The following RFX2 variants were observed in gnomAD, a reference collection of about 807,000 sequenced individuals.
RFX2 encodes the protein DNA-binding protein RFX2.
In RFX2, 20 loss-of-function variants were observed where a neutral mutation model predicts 87.8. That is an observed-to-expected ratio of 0.23 (90% CI 0.16 to 0.33). The LOEUF (loss-of-function observed/expected upper bound fraction) is 0.33. Ranked by LOEUF, RFX2 falls within the 10% of genes least tolerant of loss-of-function variation. RFX2 has a pLI of 1.00. For missense variants in RFX2, 767 were observed against 1,012.3 expected (o/e 0.76, Z 3.29); for synonymous variants, 397 against 431.3 (o/e 0.92, Z 0.98).
intron 7 of RFX2, among the ~76,000 whole-genome samples, chr19:6,015,775 T>TCACCCA (rs1480310351): frequency 2.0e-5 from 3 of 152,120 alleles, no homozygotes; most frequent in Admixed American, 6.5e-5. Context: ...TGTTGGGATT[T>TCACCCA]CAGGTGTGCA....
chr19:6,007,102 G>A lies in RFX2; in HGVS notation c.1312C>T (p.Pro438Ser), dbSNP rs1367785409. 14 of 1,614,010 alleles carry A rather than the reference G, an allele frequency of 8.7e-6. No homozygotes were observed. The highest frequency in any genetic ancestry group is 1.2e-5 in the Non-Finnish European group (14 of 1,180,008). The change falls in exon 12 of 18, where the codon CCC (proline) becomes TCC (serine). Residue 438 changes from proline (P) to serine (S), a missense_variant. Transcript: ENST00000303657. The surrounding 1 kb of genome is among the most constrained non-coding windows in gnomAD (Gnocchi z 8.2). ...CAGCTCCTCATCCACCTGAGGATGG[G>A]GTCGCACTGACACAGGGAGATAAGC... The part of the protein sequence containing the change: ...DKLISLCQCD[P>S]ILRWMRSCDH...
Position 6,083,229 on chromosome 19 carries a change from T to C in RFX2, c.-9+27164A>G, listed in dbSNP as rs2087810467. 6.6e-6 allele frequency among the ~76,000 whole-genome samples: 1 copy of C among 152,146 alleles called. No individual in the cohort carries two copies. Among genetic ancestry groups the C allele is most frequent in the African/African-American group, 2.4e-5 (1 of 41,440 alleles). On this transcript the variant is annotated intron_variant, in intron 1 of 17. Transcript: ENST00000303657. This position sits in a 1 kb window ranked among gnomAD's most constrained non-coding sequence, Gnocchi z 4.6. ...GCCTTCATCATGAAATTTTTTGGCA[T>C]TTATTTTGATTTTTTAAAATACTGC...
chr19:6,108,287 T>C (rs1188661467), intron 1 of RFX2, among the ~76,000 whole-genome samples: 1 of 152,096 alleles, frequency 6.6e-6, no homozygotes, highest in Non-Finnish European at 1.5e-5. Flanking sequence ...AGTAGGTGAG[T>C]TGTCGTTTCT....
intron 16 of RFX2, among the ~76,000 whole-genome samples, chr19:5,995,920 C>T (rs531936171): frequency 1.3e-5 from 2 of 152,316 alleles, no homozygotes; most frequent in African/African-American, 4.8e-5. Context: ...CCCCTGGGTG[C>T]GGCTGCTCCG....
At position 6,018,891 on chromosome 19, in the gene RFX2, G is replaced by GT. The variant is rs3838920; in HGVS notation, c.598-2621dup. Among the ~76,000 whole-genome samples, 667 of 152,278 alleles carry GT rather than the reference G, an allele frequency of 4.4e-3. 7 individuals carry two copies. In the East Asian group the frequency reaches 0.071, roughly 16 times the overall value. ...CCTCCTTACCAAAGGGACAGGAGTG[G>GT]TTCCTGCCACAATCCCTGAGCTTGG... On this transcript the variant is annotated intron_variant, in intron 6 of 17. Coordinates refer to ENST00000303657, the MANE Select transcript of RFX2 (RefSeq NM_000635.4).
rs2087180023 is a variant in RFX2, at chr19:6,045,766, G to T, written c.91-1484C>A. ...GGCTCACTATAACCTCTGCCTCCTG[G>T]GTTCAAGCGATTCTCCTGCCTCAGC... On this transcript the variant is annotated intron_variant, in intron 2 of 17. Transcript: ENST00000303657. The surrounding 1 kb of genome is among the most constrained non-coding windows in gnomAD (Gnocchi z 5.2). Among the ~76,000 whole-genome samples, 2 of 152,080 alleles carry T rather than the reference G, an allele frequency of 1.3e-5. No individual in the cohort carries two copies.
rs534592180 is a variant in RFX2, at chr19:6,039,438, C to T, written c.522+542G>A. Among the ~76,000 whole-genome samples the T allele has an allele frequency of 1.2e-4, 18 of 152,300 alleles. No homozygotes were observed. The highest frequency in any genetic ancestry group is 6.5e-4 in the Admixed American group (10 of 15,302). On this transcript the variant is annotated intron_variant, in intron 5 of 17. Transcript: ENST00000303657. This position sits in a 1 kb window ranked among gnomAD's most constrained non-coding sequence, Gnocchi z 5.2. ...GCTGTACACCAAAAAGTTGATTTTA[C>T]TTTGTGTTAATTTAAGAAGGAAAAT...
Position 6,026,812 on chromosome 19 carries a change from G to C in RFX2, c.523-575C>G, listed in dbSNP as rs1291685649. ...CCAGGGCCACTGGACACTGTCTGGC[G>C]AATGTTTACCCAGTGGGAGCTGTGC... is the stretch of plus-strand genomic sequence containing the variant. On this transcript the variant is annotated intron_variant, in intron 5 of 17. Transcript: ENST00000303657. The surrounding 1 kb of genome is among the most constrained non-coding windows in gnomAD (Gnocchi z 4.5). 1 of 154,034 alleles carries C rather than the reference G, an allele frequency of 6.5e-6. No individual in the cohort carries two copies. Among genetic ancestry groups the C allele is most frequent in the Admixed American group, 6.5e-5 (1 of 15,466 alleles). 9.5% of individuals were successfully genotyped at this position (154,034 alleles called of 1,614,324 possible). A position where few individuals can be genotyped will look rare whatever the true frequency, so the allele number is the denominator to read the frequency against.
chr19:6,007,641 G>T lies in RFX2; in HGVS notation c.1247+49C>A. The T allele has an allele frequency of 8.9e-7, 1 of 1,127,396 alleles. No individual in the cohort carries two copies. Among genetic ancestry groups the T allele is most frequent in the Non-Finnish European group, 1.3e-6 (1 of 760,842 alleles). The allele number at this position is 1,127,396 out of a possible 1,614,324, so 69.8% of individuals were successfully genotyped here. On this transcript the variant is annotated intron_variant, in intron 11 of 17. Coordinates refer to ENST00000303657, the MANE Select transcript of RFX2 (RefSeq NM_000635.4). The surrounding 1 kb of genome is among the most constrained non-coding windows in gnomAD (Gnocchi z 8.2). ...GTGGGTTACCTGTGGACGTCAGCAG[G>T]GGGTTAAGTCTGGGGTGGCTGTGAA...
At chr19:6,014,042 C>T (rs773754936) in intron 7 of RFX2, among the ~76,000 whole-genome samples, 4 of 151,952 alleles carry the variant, frequency 2.6e-5, no homozygotes, top group South Asian at 2.1e-4. Flanking sequence ...TAGTTTATTA[C>T]GGGAGAATGA....
intron 1 of RFX2, among the ~76,000 whole-genome samples, chr19:6,070,282 T>G (rs2087587702): frequency 1.2e-5 from 1 of 85,642 alleles, no homozygotes; most frequent in Admixed American, 1.2e-4. Flanking sequence ...AGAACACAGG[T>G]GGGCTTGGCC....
In RFX2 at chr19:6,023,072, T is replaced by A. The variant is rs553475300; in HGVS notation, c.597+3091A>T. 10 of 152,368 alleles carry A rather than the reference T, an allele frequency of 6.6e-5. No individual in the cohort carries two copies. Among genetic ancestry groups the A allele is most frequent in the African/African-American group, 2.4e-4 (10 of 41,456 alleles). The allele number at this position is 152,368 out of a possible 1,614,324, so 9.4% of individuals were successfully genotyped here. A position where few individuals can be genotyped will look rare whatever the true frequency, so the allele number is the denominator to read the frequency against. On this transcript the variant is annotated intron_variant, in intron 6 of 17. Transcript: ENST00000303657. This position sits in a 1 kb window ranked among gnomAD's most constrained non-coding sequence, Gnocchi z 4.9. ...CCCTGGAGTGACTTTTCCTCCTTTT[T>A]TACTCCCTATGTTCGGCACTGACCT...
At position 6,042,013 on chromosome 19, in the gene RFX2, TC is replaced by T. The variant is rs747664904; in HGVS notation, c.260+30del. 12 of 1,595,776 alleles carry T rather than the reference TC, an allele frequency of 7.5e-6. No individual in the cohort carries two copies. The South Asian group carries it at 1.2e-4, about 16-fold the overall frequency. On this transcript the variant is annotated intron_variant, in intron 4 of 17. Transcript: ENST00000303657. ...CAAAGGCTGGAGTCAGGGAGAGGGT[TC>T]CGGGTGTGGCCCGCGGGAGAAGCAC... is the stretch of plus-strand genomic sequence containing the variant.
chr19:6,015,556 G>A (rs929478975), intron 7 of RFX2, among the ~76,000 whole-genome samples: 1 of 151,912 alleles, frequency 6.6e-6, no homozygotes, highest in Non-Finnish European at 1.5e-5. Flanking sequence ...TGGTGCAATC[G>A]TGGCTCACCG....
chr19:6,008,073 G>T, intron 10 of RFX2, 33 bp downstream of exon 10: 1 of 1,480,582 alleles, frequency 6.8e-7, no homozygotes, highest in Non-Finnish European at 9.2e-7. Flanking sequence ...GGAGGGACAC[G>T]CAGGAGCTGC....
Position 6,008,244 on chromosome 19 carries a change from A to C in RFX2, c.1016-20T>G, listed in dbSNP as rs1373157530. On this transcript the variant is annotated intron_variant, in intron 9 of 17. Coordinates refer to ENST00000303657, the MANE Select transcript of RFX2 (RefSeq NM_000635.4). The stretch of plus-strand genomic sequence containing the variant: ...AGACATCTGGGGGAGGAACACGGGA[A>C]CATCAGAAATGGCGAGGCTCTTAGG... 6.0e-6 allele frequency: 9 copies of C among 1,497,878 alleles called. No homozygotes were observed. The highest frequency in any genetic ancestry group is 7.3e-6 in the Non-Finnish European group (8 of 1,103,406). The allele number at this position is 1,497,878 out of a possible 1,614,324, so 92.8% of individuals were successfully genotyped here. A position where few individuals can be genotyped will look rare whatever the true frequency, so the allele number is the denominator to read the frequency against.
rs2087183474 is a variant in RFX2 at position 6,045,933 on chromosome 19, C to T, written c.90+1474G>A. Reference sequence around the variant, plus strand: ...AACTCCTGACCTCAGGTGATCCACCCACCTTGGCCTCCCAAAGTGCTGGGA... The same window carrying T: ...AACTCCTGACCTCAGGTGATCCACCTACCTTGGCCTCCCAAAGTGCTGGGA... On this transcript the variant is annotated intron_variant, in intron 2 of 17. Coordinates refer to ENST00000303657, the MANE Select transcript of RFX2 (RefSeq NM_000635.4). The surrounding 1 kb of genome is among the most constrained non-coding windows in gnomAD (Gnocchi z 5.2). 6.6e-6 allele frequency among the ~76,000 whole-genome samples: 1 copy of T among 152,090 alleles called. No homozygotes were observed. The highest frequency in any genetic ancestry group is 2.4e-5 in the African/African-American group (1 of 41,410).
At position 5,997,179 on chromosome 19, in the gene RFX2, C is replaced by T. The variant is rs1476156268; in HGVS notation, c.1894G>A (p.Ala632Thr). The T allele has an allele frequency of 1.9e-6, 3 of 1,612,982 alleles. No homozygotes were observed. Among genetic ancestry groups the T allele is most frequent in the South Asian group, 1.1e-5 (1 of 91,088 alleles). The change falls in exon 16 of 18, where the codon GCT becomes ACT. Residue 632 changes from alanine to threonine, a missense_variant. Transcript: ENST00000303657. The surrounding 1 kb of genome is among the most constrained non-coding windows in gnomAD (Gnocchi z 4.2). ...AGGTGGAAGGAGCCGAAGCTGGCAG[C>T]GCTGCGCAGGGTCAGGTCCCGGATC... ...MVIRDLTLRS[A>T]ASFGSFHLIR...
At chr19:6,055,995 T>C (rs1469848771) in intron 1 of RFX2, among the ~76,000 whole-genome samples, 1 of 145,698 alleles carries the variant, frequency 6.9e-6, no homozygotes, top group African/African-American at 2.5e-5. Flanking sequence ...AAACTAAAGT[T>C]AAAAAAAAAT....
Sources: gnomAD v4.1 joint callset for allele counts (sites outside exome capture counted in the v4.1 genomes callset) on GRCh38, gnomAD v4.1.1 for gene constraint, Gnocchi (gnomAD v3.1) non-coding constraint, MANE v1.5 for transcripts, NCBI Gene and HGNC (gene_info 2026-07-23, HGNC 2026-07-21) for gene names.